MMP26: variants seen among roughly 807,000 people sequenced by gnomAD.
The protein encoded by MMP26 is matrix metallopeptidase 26.
In MMP26, 33 loss-of-function variants were observed where a neutral mutation model predicts 31.0. The observed-to-expected ratio is 1.06, with a 90% CI of 0.81 to 1.42. The LOEUF is 1.42. Among genes scored for constraint, MMP26 ranks in the 40% most tolerant of loss-of-function variants. The probability of loss-of-function intolerance (pLI) is 0.00; values close to 1 mark genes in which losing one functional copy is unlikely to be tolerated. For missense variants in MMP26, 347 were observed against 316.1 expected (o/e 1.10, Z -0.74); for synonymous variants, 122 against 114.9 (o/e 1.06, Z -0.40).
intron 2 of MMP26, among the ~76,000 whole-genome samples, chr11:4,958,854 C>G (rs1400506250): frequency 6.6e-6 from 1 of 152,044 alleles, no homozygotes; most frequent in African/African-American, 2.4e-5. Context: ...ATAAACATAC[C>G]CACAACAAAA....
chr11:4,776,702 T>C (rs1215552379), intron 2 of MMP26, among the ~76,000 whole-genome samples: 1 of 152,166 alleles, frequency 6.6e-6, no homozygotes, highest in African/African-American at 2.4e-5. Flanking sequence ...ATCTGGTTGT[T>C]TGAAAGTGTG....
intron 2 of MMP26, among the ~76,000 whole-genome samples, chr11:4,900,286 C>T (rs936381797): frequency 6.6e-6 from 1 of 152,096 alleles, no homozygotes; most frequent in Non-Finnish European, 1.5e-5. Flanking sequence ...GGCTATGACT[C>T]TTCAAGAAAA....
intron 2 of MMP26, among the ~76,000 whole-genome samples, chr11:4,957,680 T>G (rs185299093): frequency 2.8e-3 from 418 of 150,592 alleles, no homozygotes; most frequent in Non-Finnish European, 4.8e-3. Flanking sequence ...CACACTTCTG[T>G]TTTTTTTTCT....
chr11:4,821,226 A>G (rs1321830504), intron 2 of MMP26: 5 of 639,058 alleles, frequency 7.8e-6, no homozygotes, highest in African/African-American at 7.4e-5. Flanking sequence ...ACTTTTCTCA[A>G]TAAATGTGAA....
rs867148131 is a variant in MMP26 at position 4,813,161 on chromosome 11, T to A, written c.-145+45820T>A. ...CTGGGATTACAGGTGCCTGCCACCA[T>A]GTTAATCTATTATTTTATGTCATCA... On this transcript the variant is annotated intron_variant, in intron 2 of 7. Coordinates refer to ENST00000380390, the MANE Select transcript of MMP26 (RefSeq NM_021801.5). Among the ~76,000 whole-genome samples, 11 of 152,152 alleles carry A rather than the reference T, an allele frequency of 7.2e-5. No individual in the cohort carries two copies. In the South Asian group the frequency reaches 2.1e-3, roughly 29 times the overall value.
chr11:4,877,324 C>T (rs1237910929), intron 2 of MMP26: 2 of 152,252 alleles, frequency 1.3e-5, no homozygotes, highest in African/African-American at 4.8e-5. Context: ...CTATGTGCCT[C>T]TCATTGGTAT....
chr11:4,807,662 A>G (rs1249120742), intron 2 of MMP26, among the ~76,000 whole-genome samples: 2 of 152,210 alleles, frequency 1.3e-5, no homozygotes, highest in African/African-American at 4.8e-5. Flanking sequence ...AGAAATACCT[A>G]ATGTAAATGA....
At chr11:4,723,533 T>C (rs1412462676) in intron 1 of MMP26, 13 of 1,197,876 alleles carry the variant, frequency 1.1e-5, no homozygotes, top group Non-Finnish European at 1.5e-5. Context: ...ATCTCGTCAG[T>C]CAGCCCTTCC....
intron 6 of MMP26, 139 bp from the exon 7 acceptor site, chr11:4,991,825 G>T (rs1847008323): frequency 2.6e-6 from 2 of 776,758 alleles, no homozygotes; most frequent in South Asian, 2.3e-5. Context: ...TTCCCTCCTT[G>T]CCTACCTTTT....
At chr11:4,958,961 G>A (rs7119891) in intron 2 of MMP26, among the ~76,000 whole-genome samples, 1,671 of 152,248 alleles carry the variant, frequency 0.011, 35 homozygotes, top group African/African-American at 0.038. Flanking sequence ...AAGATAGGCC[G>A]GGCGCGGTGG....
At chr11:4,803,492 C>A in intron 2 of MMP26, 1 of 1,614,078 alleles carries the variant, frequency 6.2e-7, no homozygotes, top group South Asian at 1.1e-5. Context: ...TTGGTTCTAA[C>A]TCCATAAATG....
At chr11:4,757,343 C>T (rs552936166) in intron 1 of MMP26, among the ~76,000 whole-genome samples, 3 of 152,056 alleles carry the variant, frequency 2.0e-5, no homozygotes, top group Admixed American at 6.5e-5. Context: ...AAATGGATTA[C>T]AGACCTAAAT....
At position 4,892,809 on chromosome 11, in the gene MMP26, A is replaced by G. The variant is rs12286666; in HGVS notation, c.-144-95259A>G. ...ATAGCCCAGAGAGCAGAGTACATTGATGTATTTGCCTTCTAGTTACTCAAC... is the reference window on the plus strand; with the variant it reads ...ATAGCCCAGAGAGCAGAGTACATTGGTGTATTTGCCTTCTAGTTACTCAAC... On this transcript the variant is annotated intron_variant, in intron 2 of 7. Transcript: ENST00000380390. 4.9e-3 allele frequency among the ~76,000 whole-genome samples: 739 copies of G among 152,236 alleles called. 1 individual carries two copies. Among genetic ancestry groups the G allele is most frequent in the Non-Finnish European group, 8.6e-3 (582 of 68,010 alleles).
At chr11:4,714,174 C>A (rs11033496) in intron 1 of MMP26, among the ~76,000 whole-genome samples, 2 of 152,130 alleles carry the variant, frequency 1.3e-5, no homozygotes, top group Non-Finnish European at 2.9e-5. Flanking sequence ...ACACTTTACA[C>A]GCCCTGGTTT....
chr11:4,796,442 T>C (rs1250967615), intron 2 of MMP26, among the ~76,000 whole-genome samples: 1 of 152,230 alleles, frequency 6.6e-6, no homozygotes, highest in Non-Finnish European at 1.5e-5. Context: ...CTATCTTTCC[T>C]GACTACATTG....
At chr11:4,991,232 G>T in intron 5 of MMP26, 139 bp from the exon 6 acceptor site, 1 of 1,087,946 alleles carries the variant, frequency 9.2e-7, no homozygotes, top group Non-Finnish European at 1.3e-6. Context: ...TCTCTGCATA[G>T]ATAATGCCTT....
intron 2 of MMP26, among the ~76,000 whole-genome samples, chr11:4,840,625 G>A (rs920807136): frequency 1.3e-5 from 2 of 152,184 alleles, no homozygotes; most frequent in African/African-American, 2.4e-5. Flanking sequence ...CTGGGCTTGG[G>A]GTTACCCCTA....
rs1186015515 is a variant in MMP26 at position 4,719,122 on chromosome 11, T to C, written c.-217+14077T>C. 1.9e-5 allele frequency: 3 copies of C among 155,352 alleles called. No homozygotes were observed. The East Asian group carries it at 5.7e-4, about 30-fold the overall frequency. The allele number at this position is 155,352 out of a possible 1,614,324, so 9.6% of individuals were successfully genotyped here. ...GTTGCTTCTTAAAAGACTGTCCTAC[T>C]GCTGCAGCCACGTGCTCCACCACTC... is the stretch of plus-strand genomic sequence containing the variant. On this transcript the variant is annotated intron_variant, in intron 1 of 7. Coordinates refer to ENST00000380390, the MANE Select transcript of MMP26 (RefSeq NM_021801.5).
At chr11:4,742,202 G>A (rs1327991218) in intron 1 of MMP26, among the ~76,000 whole-genome samples, 5 of 152,166 alleles carry the variant, frequency 3.3e-5, no homozygotes, top group African/African-American at 1.2e-4. Context: ...CTGTGGACAA[G>A]GCATAGGAAA....
Sources: allele counts gnomAD v4.1 joint callset (sites outside exome capture counted in the v4.1 genomes callset), GRCh38; gene constraint gnomAD v4.1.1; transcripts MANE v1.5; gene names NCBI Gene and HGNC (gene_info 2026-07-23, HGNC 2026-07-21).